GYG2: variants seen among roughly 807,000 people sequenced by gnomAD.
GYG2 encodes glycogenin-2.
GYG2 carries 29 observed loss-of-function variants against 29.4 expected under a neutral mutation model. That is an observed-to-expected ratio of 0.99 (90% CI 0.74 to 1.35). The LOEUF (loss-of-function observed/expected upper bound fraction) is 1.35. Among genes scored for constraint, GYG2 ranks in the 40% most tolerant of loss-of-function variants. The pLI, the probability that GYG2 is intolerant of heterozygous loss-of-function variation, is 0.00. For synonymous variants in GYG2, 167 were observed against 172.3 expected (o/e 0.97, Z 0.24); for missense variants, 370 against 385.7 (o/e 0.96, Z 0.34).
chrX:2,839,933 G>A (rs1275591737), intron 2 of GYG2, among the ~76,000 whole-genome samples: 2 of 112,362 alleles, frequency 1.8e-5, no homozygotes, highest in Non-Finnish European at 3.8e-5. Flanking sequence ...CCTCCTTTTG[G>A]AGTGGTGAGA....
chrX:2,851,140 A>G (rs1356904399), intron 3 of GYG2, among the ~76,000 whole-genome samples: 2 of 112,221 alleles, frequency 1.8e-5, no homozygotes, highest in African/African-American at 3.2e-5. Context: ...TTAATTAAAA[A>G]CAAACAAAAT....
chrX:2,868,780 A>C (rs747413756), intron 8 of GYG2, among the ~76,000 whole-genome samples: 2 of 111,215 alleles, frequency 1.8e-5, no homozygotes, highest in Non-Finnish European at 3.8e-5. Flanking sequence ...TGGCACACGT[A>C]TACCCGTGTA....
rs777603509 is a variant in GYG2 at position 2,877,376 on chromosome X, T to TGC, written c.1251+70_1251+71dup. On this transcript the variant is annotated intron_variant, in intron 10 of 10. Coordinates refer to ENST00000398806, the MANE Select transcript of GYG2 (RefSeq NM_001079855.2). ...GCCATCCACCGTCACTGAGGTCAAC[T>TGC]GCATGCACACAACAGCTGTTAATTT... 5.3e-5 allele frequency: 62 copies of TGC among 1,171,087 alleles called. No homozygotes were observed. The East Asian group carries it at 8.5e-4, about 16-fold the overall frequency.
At chrX:2,834,717 C>T (rs2087337587) in intron 2 of GYG2, among the ~76,000 whole-genome samples, 1 of 111,928 alleles carries the variant, frequency 8.9e-6, no homozygotes, top group Non-Finnish European at 1.9e-5. Flanking sequence ...TGCCCCTTCA[C>T]CTTCTTTGTC....
chrX:2,859,763 C>A, intron 6 of GYG2, 80 bp from the exon 7 acceptor site: 2 of 582,271 alleles, frequency 3.4e-6, no homozygotes, highest in African/African-American at 2.2e-5. Flanking sequence ...CTTTGAGGAG[C>A]CCCATGGTAG....
chrX:2,863,290 G>A lies in GYG2; in HGVS notation c.1038+1568G>A, dbSNP rs1057279227. Among the ~76,000 whole-genome samples the A allele has an allele frequency of 1.3e-4, 14 of 110,354 alleles. 1 individual carries two copies. Among genetic ancestry groups the A allele is most frequent in the Non-Finnish European group, 2.5e-4 (13 of 52,818 alleles). ...GGGGTTTCACTGTGTCAGCCAGGAT[G>A]GTCTCGAACTCCTGACCTTGTGATC... On this transcript the variant is annotated intron_variant, in intron 8 of 10. Transcript: ENST00000398806.
chrX:2,877,533 C>T (rs1394193653), intron 10 of GYG2: 11 of 1,001,266 alleles, frequency 1.1e-5, no homozygotes, highest in Admixed American at 4.2e-5. Flanking sequence ...CTGATCATCA[C>T]GCTTTTTCTC....
chrX:2,873,173 C>T (rs1475521551), intron 8 of GYG2, among the ~76,000 whole-genome samples: 3 of 111,616 alleles, frequency 2.7e-5, no homozygotes, highest in Non-Finnish European at 5.6e-5. Flanking sequence ...GAGTGTCACT[C>T]AGCAGCCAGC....
intron 10 of GYG2, chrX:2,878,236 G>A: frequency 1.4e-6 from 1 of 721,849 alleles, no homozygotes; most frequent in Non-Finnish European, 1.6e-6. Context: ...TCAGCCATGT[G>A]GTAGGTTTGG....
Position 2,875,843 on chromosome X carries a change from G to C in GYG2, c.1072G>C (p.Val358Leu). The change falls in exon 9 of 11, where the codon GTG (valine) becomes CTG (leucine). Residue 358 changes from valine to leucine, a missense_variant. Val to Leu is a conservative substitution (Grantham distance 32, BLOSUM62 1). Transcript: ENST00000398806. ...IACPETETPA[V>L]ITCDPLSQPS... ...TTGTCCTGAAACTGAGACTCCTGCC[G>C]TGATAACGTGTGACCCACTGTCCCA... The C allele has an allele frequency of 8.4e-7, 1 of 1,195,872 alleles. No individual in the cohort carries two copies. Among genetic ancestry groups the C allele is most frequent in the Non-Finnish European group, 1.1e-6 (1 of 882,057 alleles).
chrX:2,856,561 A>G lies in GYG2; in HGVS notation c.551A>G (p.His184Arg), dbSNP rs746061550. Reference protein sequence around the residue: ...RNWSTTDIHKHLPFIYNLSSN... With the variant: ...RNWSTTDIHKRLPFIYNLSSN... ...TGGTCGACCACAGACATCCACAAGC[A>G]CCTGCCGTTCATCTATAACTTGAGT... The change falls in exon 6 of 11, where the codon CAC becomes CGC. Residue 184 changes from histidine to arginine, a missense_variant. Coordinates refer to ENST00000398806, the MANE Select transcript of GYG2 (RefSeq NM_001079855.2). 8 of 1,202,828 alleles carry G rather than the reference A, an allele frequency of 6.7e-6. No homozygotes were observed. The highest frequency in any genetic ancestry group is 9.0e-6 in the Non-Finnish European group (8 of 888,074).
Position 2,881,184 on chromosome X carries a change from CAGG to C in GYG2, c.1387_1389del (p.Glu463del), listed in dbSNP as rs1569078413. 8 of 1,197,949 alleles carry C rather than the reference CAGG, an allele frequency of 6.7e-6. No individual in the cohort carries two copies. The highest frequency in any genetic ancestry group is 4.5e-6 in the Non-Finnish European group (4 of 888,269). On this transcript the variant is annotated inframe_deletion, in exon 11 of 11. Coordinates refer to ENST00000398806, the MANE Select transcript of GYG2 (RefSeq NM_001079855.2). Reference sequence around the variant, plus strand: ...GGGGAAGGACGCGTTTGCTCGCATCCAGGAGAAGCTGGACCGGTTCCTGCAGTA... The same window carrying C: ...GGGGAAGGACGCGTTTGCTCGCATCCAGAAGCTGGACCGGTTCCTGCAGTA...
intron 10 of GYG2, among the ~76,000 whole-genome samples, chrX:2,879,274 T>C (rs1392083513): frequency 2.9e-5 from 3 of 104,749 alleles, no homozygotes; most frequent in African/African-American, 3.5e-5. Context: ...TATTTTCTTT[T>C]TTTTTTTTTT....
At position 2,881,454 on chromosome X, in the gene GYG2, CTTGAAG is replaced by C; in HGVS notation, c.*242_*247del. On this transcript the variant is annotated 3_prime_UTR_variant, in exon 11 of 11. Transcript: ENST00000398806. ...GCTTTCTTCAGAGGTCACTTCTACC[CTTGAAG>C]CTGTCGGCAAAAGCGAGCAGTAATA... 3.1e-6 allele frequency: 1 copy of C among 322,130 alleles called. No homozygotes were observed. The highest frequency in any genetic ancestry group is 5.3e-6 in the Non-Finnish European group (1 of 187,150). The allele number at this position is 322,130 out of a possible 1,213,427, so 26.5% of individuals were successfully genotyped here.
At chrX:2,833,931 G>T (rs1296526656) in intron 2 of GYG2, among the ~76,000 whole-genome samples, 3 of 112,378 alleles carry the variant, frequency 2.7e-5, no homozygotes, top group Non-Finnish European at 5.6e-5. Context: ...GCCCTCCCTG[G>T]CAATGGAGAT....
rs1490074083 is a variant in GYG2, at chrX:2,859,937, G to A, written c.709G>A (p.Gly237Ser). The change falls in exon 7 of 11, where the codon GGC (glycine) becomes AGC (serine). Residue 237 changes from glycine (G) to serine (S), a missense_variant. By Grantham distance (56) the Gly-to-Ser change is moderately conservative. Coordinates refer to ENST00000398806, the MANE Select transcript of GYG2 (RefSeq NM_001079855.2). ...NPQSGSVLEQ[G>S]SASSSQHQAA... is the part of the protein sequence containing the mutation. ...ACAGAGTGGCTCGGTGTTGGAGCAA[G>A]GCTCAGCGTCCAGCAGCCAGCACCA... is the stretch of plus-strand genomic sequence containing the variant. 6 of 1,198,961 alleles carry A rather than the reference G, an allele frequency of 5.0e-6. No individual in the cohort carries two copies. Among genetic ancestry groups the A allele is most frequent in the Non-Finnish European group, 6.8e-6 (6 of 884,553 alleles).
intron 3 of GYG2, among the ~76,000 whole-genome samples, chrX:2,846,791 CAT>C (rs2087747380): frequency 9.3e-6 from 1 of 107,200 alleles, no homozygotes; most frequent in African/African-American, 3.3e-5. Flanking sequence ...TTCGAGAAAA[CAT>C]AAATGTACAA....
At chrX:2,858,227 G>A (rs924911972) in intron 6 of GYG2, among the ~76,000 whole-genome samples, 1 of 111,631 alleles carries the variant, frequency 9.0e-6, no homozygotes, top group Non-Finnish European at 1.9e-5. Flanking sequence ...TTTGGGGGCC[G>A]AGGTGGGCGG....
intron 10 of GYG2, chrX:2,877,735 G>A (rs1052046329): frequency 2.7e-6 from 2 of 751,899 alleles, no homozygotes; most frequent in African/African-American, 4.6e-5. Context: ...AGAGATGCAT[G>A]CTTTCTGTTC....
Sources: gnomAD v4.1 joint callset for allele counts (sites outside exome capture counted in the v4.1 genomes callset) on GRCh38, gnomAD v4.1.1 for gene constraint, MANE v1.5 for transcripts, NCBI Gene and HGNC (gene_info 2026-07-23, HGNC 2026-07-21) for gene names.